Variants in NTRK3 observed in about 807,000 individuals in gnomAD.
NTRK3 encodes the protein neurotrophic receptor tyrosine kinase 3, also known as NT-3 growth factor receptor.
Under a neutral mutation model 91.7 loss-of-function variants are expected in NTRK3, and 24 were observed. That is an observed-to-expected ratio of 0.26 (90% CI 0.19 to 0.37). The LOEUF (loss-of-function observed/expected upper bound fraction) is 0.37. NTRK3 is among the 10% of genes least tolerant of loss of function. The pLI is 1.00. For missense variants in NTRK3, 880 were observed against 1,068.9 expected (o/e 0.82, Z 2.46); for synonymous variants, 483 against 404.0 (o/e 1.20, Z -2.34).
At chr15:88,101,032 A>G (rs974269441) in intron 13 of NTRK3, among the ~76,000 whole-genome samples, 1 of 152,236 alleles carries the variant, frequency 6.6e-6, no homozygotes, top group Non-Finnish European at 1.5e-5. Context: ...TAATTAAACT[A>G]AAGAGCTGCT....
At chr15:88,176,692 T>C (rs1302253395) in intron 5 of NTRK3, among the ~76,000 whole-genome samples, 6 of 152,190 alleles carry the variant, frequency 3.9e-5, no homozygotes, top group African/African-American at 1.4e-4. Flanking sequence ...CACTTGTACA[T>C]GCAACAAATC....
At chr15:88,198,893 T>C (rs2048056908) in intron 3 of NTRK3, among the ~76,000 whole-genome samples, 1 of 152,144 alleles carries the variant, frequency 6.6e-6, no homozygotes, top group African/African-American at 2.4e-5. Flanking sequence ...CCTCAGAGTC[T>C]CATCCTGCAC....
rs56198207 is a variant in NTRK3, at chr15:88,127,222, G to A, written c.1233C>T (p.Asp411=). ...TGATAGGAGGTGTGGGACTCACTTC[G>A]TCAACTGAAAACCAAACACAAAAAG... Residue 411 remains aspartate, a synonymous_variant, in exon 12 of 19, where the codon GAC becomes GAT. Coordinates refer to ENST00000394480, the Ensembl canonical transcript of NTRK3. 5.2e-5 allele frequency: 84 copies of A among 1,613,882 alleles called. 1 individual carries two copies. In the East Asian group the frequency reaches 1.3e-3, roughly 25 times the overall value.
chr15:87,915,988 C>A (rs902932297), intron 17 of NTRK3, among the ~76,000 whole-genome samples: 13 of 152,144 alleles, frequency 8.5e-5, no homozygotes, highest in African/African-American at 2.7e-4. Flanking sequence ...TTCCTACCTC[C>A]AACTTTGCTC....
chr15:88,134,457 G>A (rs1038469510), intron 10 of NTRK3, among the ~76,000 whole-genome samples: 9 of 152,164 alleles, frequency 5.9e-5, no homozygotes, highest in Non-Finnish European at 1.0e-4. Flanking sequence ...TAAGCTGAGG[G>A]CATCAGGTAT....
chr15:88,059,774 A>T (rs909176453), intron 13 of NTRK3, among the ~76,000 whole-genome samples: 1 of 152,204 alleles, frequency 6.6e-6, no homozygotes, highest in African/African-American at 2.4e-5. Context: ...CCAGGGCCTC[A>T]AAATGTAACT....
intron 5 of NTRK3, among the ~76,000 whole-genome samples, chr15:88,174,944 C>T (rs368804840): frequency 3.2e-4 from 48 of 152,348 alleles, no homozygotes; most frequent in East Asian, 2.5e-3. Flanking sequence ...CCACCACTCA[C>T]CATTTACTTC....
At chr15:88,157,292 C>A (rs558103447) in intron 5 of NTRK3, among the ~76,000 whole-genome samples, 1 of 152,154 alleles carries the variant, frequency 6.6e-6, no homozygotes, top group South Asian at 2.1e-4. Context: ...CACACTTATC[C>A]CCACAGCTGT....
chr15:88,190,914 AATAGGATCTAAGGGAAT>A (rs1419081999), intron 3 of NTRK3, among the ~76,000 whole-genome samples: 4 of 152,212 alleles, frequency 2.6e-5, no homozygotes, highest in Non-Finnish European at 5.9e-5. Context: ...AGTAAGCGTA[AATAGGATCTAAGGGAAT>A]ATGAAAACAT....
At chr15:87,996,976 T>C (rs534427281) in intron 14 of NTRK3, among the ~76,000 whole-genome samples, 11 of 152,344 alleles carry the variant, frequency 7.2e-5, no homozygotes, top group African/African-American at 2.6e-4. Flanking sequence ...ATTCAATGCC[T>C]AGCAGCCCTG....
At chr15:88,124,505 G>T (rs142130643) in intron 13 of NTRK3, among the ~76,000 whole-genome samples, 1 of 152,206 alleles carries the variant, frequency 6.6e-6, no homozygotes, top group East Asian at 1.9e-4. Flanking sequence ...CTCAGGGGAA[G>T]AGCAACAATG....
chr15:88,083,120 T>G (rs1471113235), intron 13 of NTRK3, among the ~76,000 whole-genome samples: 1 of 152,152 alleles, frequency 6.6e-6, no homozygotes, highest in Non-Finnish European at 1.5e-5. Flanking sequence ...TTCTCCTGAT[T>G]TCAAGAATAG....
At chr15:88,131,639 A>G (rs1419477172) in intron 10 of NTRK3, among the ~76,000 whole-genome samples, 1 of 152,236 alleles carries the variant, frequency 6.6e-6, no homozygotes, top group African/African-American at 2.4e-5. Flanking sequence ...ATTCATTTGC[A>G]TATGTCTCAT....
At chr15:88,244,931 T>A (rs1011937249) in intron 3 of NTRK3, among the ~76,000 whole-genome samples, 1 of 152,182 alleles carries the variant, frequency 6.6e-6, no homozygotes, top group African/African-American at 2.4e-5. Context: ...TAAATTACCC[T>A]AGATAGAGAT....
At chr15:88,133,047 C>T (rs2041522658) in intron 10 of NTRK3, among the ~76,000 whole-genome samples, 1 of 152,082 alleles carries the variant, frequency 6.6e-6, no homozygotes, top group African/African-American at 2.4e-5. Flanking sequence ...GCTGCTAGAC[C>T]CCACCCTGGA....
chr15:87,907,338 AG>A (rs2066831408), intron 17 of NTRK3, among the ~76,000 whole-genome samples: 1 of 152,202 alleles, frequency 6.6e-6, no homozygotes, highest in African/African-American at 2.4e-5. Context: ...CACACTTGTT[AG>A]TACTGAAAAT....
At chr15:88,039,864 T>C (rs900132525) in intron 13 of NTRK3, among the ~76,000 whole-genome samples, 16 of 152,176 alleles carry the variant, frequency 1.1e-4, no homozygotes, top group African/African-American at 3.4e-4. Flanking sequence ...CATTCTATAT[T>C]TGTCATGATT....
chr15:88,159,099 G>T (rs2044197886), intron 5 of NTRK3, among the ~76,000 whole-genome samples: 1 of 152,220 alleles, frequency 6.6e-6, no homozygotes, highest in South Asian at 2.1e-4. Context: ...GTGGGAGCCT[G>T]CAGGGGCAAG....
intron 14 of NTRK3, among the ~76,000 whole-genome samples, chr15:87,987,636 T>C (rs533209452): frequency 5.3e-5 from 8 of 152,222 alleles, no homozygotes; most frequent in Non-Finnish European, 1.2e-4. Flanking sequence ...AATGATGTCA[T>C]CTCAAGATAC....
Sources: gnomAD v4.1 joint callset for allele counts (sites outside exome capture counted in the v4.1 genomes callset) on GRCh38, gnomAD v4.1.1 for gene constraint, MANE v1.5 for transcripts, NCBI Gene and HGNC (gene_info 2026-07-23, HGNC 2026-07-21) for gene names.